The following COL4A2 variants were observed in gnomAD, a reference collection of about 807,000 sequenced individuals.
The protein encoded by COL4A2 is collagen alpha-2(IV) chain.
COL4A2 carries 99 observed loss-of-function variants against 200.2 expected under a neutral mutation model. The ratio of observed to expected loss-of-function variants is 0.49; its 90% CI spans 0.42 to 0.58. The LOEUF (loss-of-function observed/expected upper bound fraction) is 0.58. Ranked by LOEUF, COL4A2 falls within the 20% of genes least tolerant of loss-of-function variation. COL4A2 has a pLI of 0.00. For synonymous variants in COL4A2, 897 were observed against 900.6 expected (o/e 1.00, Z 0.07); for missense variants, 1,950 against 2,314.1 (o/e 0.84, Z 3.23).
intron 3 of COL4A2, among the ~76,000 whole-genome samples, chr13:110,336,591 G>C (rs1219712318): frequency 6.6e-6 from 1 of 152,116 alleles, no homozygotes; most frequent in Non-Finnish European, 1.5e-5. Flanking sequence ...TAAACATACT[G>C]TTGTTCCCTT....
At chr13:110,443,552 C>T (rs959177740) in intron 16 of COL4A2, among the ~76,000 whole-genome samples, 1 of 152,190 alleles carries the variant, frequency 6.6e-6, no homozygotes, top group African/African-American at 2.4e-5. Flanking sequence ...TATATGACCT[C>T]ACTGAATTCA....
At chr13:110,477,816 A>C in intron 29 of COL4A2, 187 bp from the exon 30 acceptor site, 5 of 465,840 alleles carry the variant, frequency 1.1e-5, no homozygotes, top group Non-Finnish European at 1.8e-5. Context: ...AGTGGTAGTC[A>C]TTACCGCTGG....
intron 3 of COL4A2, among the ~76,000 whole-genome samples, chr13:110,327,562 T>G (rs776663753): frequency 1.3e-5 from 2 of 152,218 alleles, no homozygotes; most frequent in Non-Finnish European, 2.9e-5. Flanking sequence ...TAGTCCCAGA[T>G]GGTTTTTAAG....
At chr13:110,486,055 G>T (rs1449429515) in intron 34 of COL4A2, among the ~76,000 whole-genome samples, 1 of 151,252 alleles carries the variant, frequency 6.6e-6, no homozygotes, top group African/African-American at 2.5e-5. Flanking sequence ...TGGCCCTTCT[G>T]TGGGCTTGTG....
chr13:110,431,332 C>A (rs1181821784), intron 10 of COL4A2, among the ~76,000 whole-genome samples: 1 of 152,162 alleles, frequency 6.6e-6, no homozygotes, highest in Non-Finnish European at 1.5e-5. Context: ...AACACCAGTT[C>A]CTTGACAGAT....
chr13:110,506,619 C>T lies in COL4A2; in HGVS notation c.4594+13C>T, dbSNP rs371116649. 4 of 1,593,246 alleles carry T rather than the reference C, an allele frequency of 2.5e-6. No homozygotes were observed. In the African/African-American group the frequency reaches 5.4e-5, roughly 21 times the overall value. On this transcript the variant is annotated intron_variant, in intron 46 of 47. Coordinates refer to ENST00000360467, the MANE Select transcript of COL4A2 (RefSeq NM_001846.4). ...AACCAGGACCTGGGTAGGTACCTCC[C>T]ACCCGGCCCCCGTTGCCTGCTCAGG...
chr13:110,391,557 T>C (rs767904272), intron 4 of COL4A2, among the ~76,000 whole-genome samples: 5 of 152,196 alleles, frequency 3.3e-5, no homozygotes, highest in Non-Finnish European at 5.9e-5. Flanking sequence ...AATTGAGTAG[T>C]GAAAAGCACA....
intron 4 of COL4A2, among the ~76,000 whole-genome samples, chr13:110,378,173 C>T (rs1207471609): frequency 6.6e-6 from 1 of 152,324 alleles, no homozygotes; most frequent in East Asian, 1.9e-4. Context: ...TTTCTGCTTT[C>T]TTGGCTAAAA....
At position 110,474,495 on chromosome 13, in the gene COL4A2, G is replaced by A. The variant is rs561035418; in HGVS notation, c.2425+1345G>A. On this transcript the variant is annotated intron_variant, in intron 29 of 47. Transcript: ENST00000360467. ...GCTGTTGATACTAGGGAGCGCCCAT[G>A]GGTGCCACAGTTCACTGAGAGAGCA... Among the ~76,000 whole-genome samples, 98 of 152,320 alleles carry A rather than the reference G, an allele frequency of 6.4e-4. 1 individual carries two copies. In the South Asian group the frequency reaches 0.019, roughly 30 times the overall value.
At chr13:110,387,963 T>TA (rs1878828414) in intron 4 of COL4A2, among the ~76,000 whole-genome samples, 1 of 152,208 alleles carries the variant, frequency 6.6e-6, no homozygotes. Flanking sequence ...CTGCTCTTCT[T>TA]ACCTGCAGTC....
chr13:110,499,450 T>G (rs115521801), intron 40 of COL4A2, among the ~76,000 whole-genome samples: 1 of 152,130 alleles, frequency 6.6e-6, no homozygotes, highest in Admixed American at 6.5e-5. Flanking sequence ...AGCATGAGGA[T>G]AGCCACCCCC....
intron 4 of COL4A2, 72 bp downstream of exon 4, chr13:110,357,624 C>T: frequency 6.5e-7 from 1 of 1,541,752 alleles, no homozygotes; most frequent in Non-Finnish European, 8.8e-7. Context: ...AACGGGGTAC[C>T]TTCTGGGACA....
At position 110,307,917 on chromosome 13, in the gene COL4A2, A is replaced by G. The variant is rs771611881; in HGVS notation, c.14A>G (p.Gln5Arg). 1 of 1,612,864 alleles carries G rather than the reference A, an allele frequency of 6.2e-7. No individual in the cohort carries two copies. The highest frequency in any genetic ancestry group is 8.5e-7 in the Non-Finnish European group (1 of 1,179,680). The change falls in exon 2 of 48, where the codon CAG (glutamine) becomes CGG (arginine). Residue 5 changes from glutamine (Q) to arginine (R), a missense_variant. Transcript: ENST00000360467. The surrounding 1 kb of genome is among the most constrained non-coding windows in gnomAD (Gnocchi z 5.0). ...CGAACCGCCAGCATGGGGAGAGACC[A>G]GCGCGCGGTGGCCGGCCCTGCCCTA... MGRDQRAVAGPALRR... is the reference protein window; with the variant it reads MGRDRRAVAGPALRR...
intron 3 of COL4A2, among the ~76,000 whole-genome samples, chr13:110,311,961 C>T (rs1396521776): frequency 3.9e-5 from 6 of 152,222 alleles, no homozygotes; most frequent in South Asian, 2.1e-4. Context: ...CCCTCCAGGC[C>T]GGCAGCTGCG....
At chr13:110,428,387 A>G in intron 6 of COL4A2, 80 bp from the exon 7 acceptor site, 2 of 819,114 alleles carry the variant, frequency 2.4e-6, no homozygotes, top group Non-Finnish European at 4.0e-6. Flanking sequence ...TTATGAGAAT[A>G]TAAGACTGTT....
At chr13:110,392,859 A>G (rs1430753042) in intron 4 of COL4A2, among the ~76,000 whole-genome samples, 1 of 152,278 alleles carries the variant, frequency 6.6e-6, no homozygotes, top group Non-Finnish European at 1.5e-5. Flanking sequence ...CCAAGAAAGT[A>G]AAGTTAAGAA....
intron 16 of COL4A2, among the ~76,000 whole-genome samples, chr13:110,443,443 C>T (rs936873908): frequency 2.6e-5 from 4 of 152,154 alleles, no homozygotes; most frequent in African/African-American, 7.2e-5. Flanking sequence ...GGACTTCTGC[C>T]CAAGGACTTT....
chr13:110,354,250 C>T (rs1233832227), intron 3 of COL4A2, among the ~76,000 whole-genome samples: 1 of 152,216 alleles, frequency 6.6e-6, no homozygotes, highest in Non-Finnish European at 1.5e-5. Context: ...ATTGGGTCAA[C>T]TGAGGACCTC....
At position 110,429,838 on chromosome 13, in the gene COL4A2, G is replaced by A. The variant is rs768315673; in HGVS notation, c.478-47G>A. 9.5e-6 allele frequency: 15 copies of A among 1,574,500 alleles called. No individual in the cohort carries two copies. In the Admixed American group the frequency reaches 2.0e-4, roughly 21 times the overall value. On this transcript the variant is annotated intron_variant, in intron 7 of 47. Transcript: ENST00000360467. ...TACCATAGCTGCACCGAATGTTAAT[G>A]GACTCTTTTTGTTGTTTTTTCTTTT... is the stretch of plus-strand genomic sequence containing the variant.
Sources: allele counts gnomAD v4.1 joint callset (sites outside exome capture counted in the v4.1 genomes callset), GRCh38; gene constraint gnomAD v4.1.1; non-coding constraint Gnocchi (gnomAD v3.1); transcripts MANE v1.5; gene names NCBI Gene and HGNC (gene_info 2026-07-23, HGNC 2026-07-21).